ALDH2: variants seen among roughly 807,000 people sequenced by gnomAD.
ALDH2 encodes aldehyde dehydrogenase, mitochondrial.
ALDH2 carries 44 observed loss-of-function variants against 59.6 expected under a neutral mutation model. The observed-to-expected ratio is 0.74, with a 90% CI of 0.58 to 0.95. ALDH2 has a LOEUF of 0.95. ALDH2 is among the 40% of genes least tolerant of loss of function. The pLI is 0.00. For synonymous variants in ALDH2, 291 were observed against 284.0 expected (o/e 1.02, Z -0.25); for missense variants, 570 against 696.3 (o/e 0.82, Z 2.04).
intron 4 of ALDH2, among the ~76,000 whole-genome samples, chr12:111,786,562 T>A (rs2068311286): frequency 6.6e-6 from 1 of 151,638 alleles, no homozygotes; most frequent in African/African-American, 2.4e-5. Flanking sequence ...AATTTTTTTT[T>A]TTTGAGGCAG....
intron 1 of ALDH2, among the ~76,000 whole-genome samples, chr12:111,775,349 G>A (rs1274114105): frequency 6.6e-6 from 1 of 152,020 alleles, no homozygotes; most frequent in East Asian, 1.9e-4. Flanking sequence ...CCCCTCAGCT[G>A]GCCAAGCCTC....
intron 1 of ALDH2, among the ~76,000 whole-genome samples, chr12:111,775,047 C>T (rs1173689296): frequency 6.6e-6 from 1 of 152,202 alleles, no homozygotes; most frequent in African/African-American, 2.4e-5. Flanking sequence ...TTAAATAAAC[C>T]ATGGCCTGAC....
chr12:111,780,369 C>T (rs935463256), intron 1 of ALDH2, among the ~76,000 whole-genome samples: 1 of 152,158 alleles, frequency 6.6e-6, no homozygotes, highest in Non-Finnish European at 1.5e-5. Flanking sequence ...TCTTGGGACC[C>T]GCCCTCCTCC....
chr12:111,793,907 T>A (rs1457902990), intron 9 of ALDH2, among the ~76,000 whole-genome samples: 1 of 152,070 alleles, frequency 6.6e-6, no homozygotes, highest in African/African-American at 2.4e-5. Flanking sequence ...ATAATGTGTA[T>A]GATACCATCA....
In ALDH2 at chr12:111,766,961, C is replaced by T; in HGVS notation, c.-22C>T. ...ACCCTAGCTCTGCTCTCGGTCCGCTCGCTGTCCGCTAGCCCGCTGCGATGT... is the reference window on the plus strand; with the variant it reads ...ACCCTAGCTCTGCTCTCGGTCCGCTTGCTGTCCGCTAGCCCGCTGCGATGT... On this transcript the variant is annotated 5_prime_UTR_variant, in exon 1 of 13. Coordinates refer to ENST00000261733, the MANE Select transcript of ALDH2 (RefSeq NM_000690.4). 3 of 1,515,646 alleles carry T rather than the reference C, an allele frequency of 2.0e-6. No individual in the cohort carries two copies. Among genetic ancestry groups the T allele is most frequent in the Non-Finnish European group, 1.8e-6 (2 of 1,137,776 alleles). The allele number at this position is 1,515,646 out of a possible 1,614,324, so 93.9% of individuals were successfully genotyped here.
chr12:111,790,066 G>A lies in ALDH2; in HGVS notation c.552+132G>A, dbSNP rs1400477220. The A allele has an allele frequency of 6.4e-6, 5 of 784,118 alleles. No individual in the cohort carries two copies. In the Admixed American group the frequency reaches 1.3e-4, roughly 20 times the overall value. 48.6% of individuals were successfully genotyped at this position (784,118 alleles called of 1,614,324 possible). ...AGGTAAGAAGATGGGCTCTGACAAAGCCAATCCGGTTTGAGTCTCAGCACT... is the reference window on the plus strand; with the variant it reads ...AGGTAAGAAGATGGGCTCTGACAAAACCAATCCGGTTTGAGTCTCAGCACT... On this transcript the variant is annotated intron_variant, in intron 5 of 12. Transcript: ENST00000261733.
chr12:111,801,732 T>C (rs908436720), intron 11 of ALDH2, among the ~76,000 whole-genome samples: 1 of 149,976 alleles, frequency 6.7e-6, no homozygotes, highest in Non-Finnish European at 1.5e-5. Context: ...AAAGGCCACA[T>C]GCTGTGTGAT....
intron 1 of ALDH2, among the ~76,000 whole-genome samples, chr12:111,779,546 C>G (rs1197125730): frequency 6.6e-6 from 1 of 152,172 alleles, no homozygotes; most frequent in Non-Finnish European, 1.5e-5. Flanking sequence ...TGTTGTGAGC[C>G]TCACTCCAGG....
In ALDH2 at chr12:111,813,308, G is replaced by T. The variant is rs2136032652; in HGVS notation, c.*3733G>T. ...GCCCGGAGAAGCTTCCTAAGTGTGGGCGCCACCTTGTGGGACATACATTGA... is the reference window on the plus strand; with the variant it reads ...GCCCGGAGAAGCTTCCTAAGTGTGGTCGCCACCTTGTGGGACATACATTGA... On this transcript the variant is annotated 3_prime_UTR_variant, in exon 13 of 13. Transcript: ENST00000261733. 1 of 152,296 alleles carries T rather than the reference G, an allele frequency of 6.6e-6. No homozygotes were observed. The highest frequency in any genetic ancestry group is 1.9e-4 in the East Asian group (1 of 5,178). The allele number at this position is 152,296 out of a possible 1,614,324, so 9.4% of individuals were successfully genotyped here.
At chr12:111,799,830 C>T (rs1370369478) in intron 10 of ALDH2, 76 bp from the exon 11 acceptor site, 9 of 1,505,606 alleles carry the variant, frequency 6.0e-6, no homozygotes, top group Non-Finnish European at 8.1e-6. Flanking sequence ...CTGGAATCAT[C>T]TGTTCTGCTC....
At position 111,811,489 on chromosome 12, in the gene ALDH2, T is replaced by G. The variant is rs1593092142; in HGVS notation, c.*1914T>G. 1 of 151,968 alleles carries G rather than the reference T, an allele frequency of 6.6e-6. No homozygotes were observed. Among genetic ancestry groups the G allele is most frequent in the Non-Finnish European group, 1.5e-5 (1 of 67,990 alleles). 9.4% of individuals were successfully genotyped at this position (151,968 alleles called of 1,614,324 possible). ...TTCTTTTTTTTTTTCTTCTTTTTTT[T>G]TTGAGACTGAGTCTCGGTCTGTCGC... is the stretch of plus-strand genomic sequence containing the variant. On this transcript the variant is annotated 3_prime_UTR_variant, in exon 13 of 13. Transcript: ENST00000261733.
At chr12:111,799,322 C>T (rs971548532) in intron 10 of ALDH2, among the ~76,000 whole-genome samples, 2 of 151,590 alleles carry the variant, frequency 1.3e-5, no homozygotes, top group Middle Eastern at 3.4e-3. Context: ...CACACCACCA[C>T]GCCCAGCTAA....
Position 111,813,703 on chromosome 12 carries a change from G to A in ALDH2, c.*4128G>A, listed in dbSNP as rs2068551556. 1 of 152,210 alleles carries A rather than the reference G, an allele frequency of 6.6e-6. No homozygotes were observed. The highest frequency in any genetic ancestry group is 1.5e-5 in the Non-Finnish European group (1 of 68,046). 9.4% of individuals were successfully genotyped at this position (152,210 alleles called of 1,614,324 possible). A position where few individuals can be genotyped will look rare whatever the true frequency, so the allele number is the denominator to read the frequency against. On this transcript the variant is annotated 3_prime_UTR_variant, in exon 13 of 13. Transcript: ENST00000261733. ...GAAAACATGATGCTGAGTGAAAGAAGCCAGACACAAAAGGAGAAGGACTGT... is the reference window on the plus strand; with the variant it reads ...GAAAACATGATGCTGAGTGAAAGAAACCAGACACAAAAGGAGAAGGACTGT...
At chr12:111,790,338 G>A in intron 5 of ALDH2, 96 bp from the exon 6 acceptor site, 4 of 1,516,528 alleles carry the variant, frequency 2.6e-6, no homozygotes, top group East Asian at 2.3e-5. Context: ...CAGAGAACTC[G>A]GTGCTGCTTC....
Position 111,781,950 on chromosome 12 carries a change from C to T in ALDH2, c.147C>T (p.Val49=). 3.1e-6 allele frequency: 5 copies of T among 1,613,912 alleles called. No individual in the cohort carries two copies. Among genetic ancestry groups the T allele is most frequent in the Non-Finnish European group, 4.2e-6 (5 of 1,179,898 alleles). ...TAAACAATGAATGGCACGATGCCGT[C>T]AGCAGGAAAACATTCCCCACCGTCA... ...IFINNEWHDA[V]SRKTFPTVNP... Residue 49 remains valine, a synonymous_variant, in exon 2 of 13, where the codon GTC becomes GTT. Transcript: ENST00000261733.
At chr12:111,784,871 A>G (rs1205363894) in intron 3 of ALDH2, among the ~76,000 whole-genome samples, 1 of 152,188 alleles carries the variant, frequency 6.6e-6, no homozygotes, top group Non-Finnish European at 1.5e-5. Flanking sequence ...CTGGGATTAT[A>G]GCTGCAAGTC....
At chr12:111,801,440 T>C (rs2068450740) in intron 11 of ALDH2, among the ~76,000 whole-genome samples, 1 of 152,206 alleles carries the variant, frequency 6.6e-6, no homozygotes, top group Non-Finnish European at 1.5e-5. Context: ...GGCTCATGCC[T>C]GTAATCCCAG....
At chr12:111,773,155 C>G (rs1472726814) in intron 1 of ALDH2, among the ~76,000 whole-genome samples, 1 of 152,070 alleles carries the variant, frequency 6.6e-6, no homozygotes, top group Non-Finnish European at 1.5e-5. Flanking sequence ...GAGGCTGAGA[C>G]AGGAGAAACG....
rs13306165 is a variant in ALDH2, at chr12:111,785,352, G to A, written c.440+6G>A. On this transcript the variant is annotated splice_donor_region_variant and intron_variant, in intron 4 of 12. Coordinates refer to ENST00000261733, the MANE Select transcript of ALDH2 (RefSeq NM_000690.4). ...ATGGTCCTCAAATGTCTCCGGTATG[G>A]GCTCAGCTTTCCTGTTCTTTGTTCT... 1.2e-6 allele frequency: 2 copies of A among 1,611,748 alleles called. No homozygotes were observed. Among genetic ancestry groups the A allele is most frequent in the East Asian group, 4.5e-5 (2 of 44,870 alleles).
Sources: gnomAD v4.1 joint callset for allele counts (sites outside exome capture counted in the v4.1 genomes callset) on GRCh38, gnomAD v4.1.1 for gene constraint, MANE v1.5 for transcripts, NCBI Gene and HGNC (gene_info 2026-07-23, HGNC 2026-07-21) for gene names.